PDSS2: variants seen among roughly 807,000 people sequenced by gnomAD.
PDSS2 encodes decaprenyl diphosphate synthase subunit 2, also known as all trans-polyprenyl-diphosphate synthase PDSS2.
PDSS2 carries 31 observed loss-of-function variants against 44.5 expected under a neutral mutation model. The ratio of observed to expected loss-of-function variants is 0.70; its 90% CI spans 0.52 to 0.94. The LOEUF (loss-of-function observed/expected upper bound fraction) is 0.94. Among genes scored for constraint, PDSS2 ranks in the 40% least tolerant of loss-of-function variants. The pLI, the probability that PDSS2 is intolerant of heterozygous loss-of-function variation, is 0.00. For missense variants in PDSS2, 452 were observed against 482.2 expected, an observed-to-expected ratio of 0.94 and a Z score of 0.59; for synonymous variants, 157 against 180.3, an observed-to-expected ratio of 0.87 and a Z score of 1.03.
At chr6:107,181,204 A>T (rs1462641316) in intron 7 of PDSS2, among the ~76,000 whole-genome samples, 1 of 152,226 alleles carries the variant, frequency 6.6e-6, no homozygotes, top group African/African-American at 2.4e-5. Context: ...GAAGAAAAAT[A>T]AAAGAGATTT....
intron 1 of PDSS2, among the ~76,000 whole-genome samples, chr6:107,448,526 A>C (rs979277936): frequency 3.9e-5 from 6 of 152,160 alleles, no homozygotes; most frequent in Non-Finnish European, 5.9e-5. Context: ...AGACCACCTC[A>C]GCCTGGATTT....
chr6:107,405,796 G>A lies in PDSS2; in HGVS notation c.296+53194C>T, dbSNP rs867578574. Among the ~76,000 whole-genome samples the A allele has an allele frequency of 1.2e-4, 17 of 146,946 alleles. No homozygotes were observed. The South Asian group carries it at 1.7e-3, about 15-fold the overall frequency. On this transcript the variant is annotated intron_variant, in intron 1 of 7. Coordinates refer to ENST00000369037, the MANE Select transcript of PDSS2 (RefSeq NM_020381.4). The stretch of plus-strand genomic sequence containing the variant: ...CGGGAGGCGGAGCTTGCAGTGAGCC[G>A]AGATCCCGCCACTGCACTCCAGCCT...
chr6:107,415,928 T>C (rs1355660436), intron 1 of PDSS2, among the ~76,000 whole-genome samples: 3 of 152,250 alleles, frequency 2.0e-5, no homozygotes, highest in Non-Finnish European at 4.4e-5. Flanking sequence ...GGAACAGGGG[T>C]TGGCTAGCTG....
At chr6:107,255,860 T>C (rs1278898978) in intron 3 of PDSS2, among the ~76,000 whole-genome samples, 1 of 152,238 alleles carries the variant, frequency 6.6e-6, no homozygotes, top group African/African-American at 2.4e-5. Context: ...CAAAAACATG[T>C]AAATGAAGTG....
chr6:107,450,965 G>A (rs896957715), intron 1 of PDSS2, among the ~76,000 whole-genome samples: 1 of 152,098 alleles, frequency 6.6e-6, no homozygotes, highest in African/African-American at 2.4e-5. Context: ...CAAGTAGCTG[G>A]GACCACAGGT....
In PDSS2 at chr6:107,452,560, C is replaced by G. The variant is rs1287672963; in HGVS notation, c.296+6430G>C. On this transcript the variant is annotated intron_variant, in intron 1 of 7. Transcript: ENST00000369037. ...TGAGTTCAGAGATTTCTTTACATAA[C>G]CTGGATACAAGCCCTTCTTTGAATA... 2.6e-5 allele frequency among the ~76,000 whole-genome samples: 4 copies of G among 152,004 alleles called. No homozygotes were observed. In the East Asian group the frequency reaches 7.8e-4, roughly 30 times the overall value.
At chr6:107,448,932 C>CA (rs1781776407) in intron 1 of PDSS2, among the ~76,000 whole-genome samples, 1 of 152,236 alleles carries the variant, frequency 6.6e-6, no homozygotes, top group African/African-American at 2.4e-5. Context: ...TACTCACTAT[C>CA]ATGAAAACAG....
At chr6:107,194,313 G>T (rs1772480640) in intron 6 of PDSS2, among the ~76,000 whole-genome samples, 1 of 152,054 alleles carries the variant, frequency 6.6e-6, no homozygotes, top group Admixed American at 6.6e-5. Context: ...TCTGGTTTTT[G>T]TGCCTCTTTT....
At chr6:107,172,767 C>A (rs1244790148) in intron 7 of PDSS2, among the ~76,000 whole-genome samples, 1 of 150,896 alleles carries the variant, frequency 6.6e-6, no homozygotes, top group Non-Finnish European at 1.5e-5. Context: ...CACACACACA[C>A]ATTCTTTTTT....
chr6:107,352,691 A>G (rs188346782), intron 1 of PDSS2, among the ~76,000 whole-genome samples: 1 of 152,354 alleles, frequency 6.6e-6, no homozygotes, highest in African/African-American at 2.4e-5. Context: ...CATATAGAGA[A>G]GTGGTTCTTA....
intron 2 of PDSS2, among the ~76,000 whole-genome samples, chr6:107,332,524 C>T (rs1267553242): frequency 2.0e-5 from 3 of 151,906 alleles, no homozygotes; most frequent in Non-Finnish European, 4.4e-5. Flanking sequence ...TACAAGATGA[C>T]TTTTTTTAAC....
intron 1 of PDSS2, among the ~76,000 whole-genome samples, chr6:107,334,667 A>G (rs1777823168): frequency 6.7e-6 from 1 of 149,886 alleles, no homozygotes. Context: ...CAGTCTCCCT[A>G]GTAGCTGGAA....
intron 4 of PDSS2, among the ~76,000 whole-genome samples, chr6:107,237,025 C>T (rs1225146971): frequency 6.6e-6 from 1 of 151,934 alleles, no homozygotes; most frequent in East Asian, 1.9e-4. Flanking sequence ...CCTCAACCTC[C>T]TGGGCTTAAG....
rs1256442884 is a variant in PDSS2, at chr6:107,446,113, C to G, written c.296+12877G>C. On this transcript the variant is annotated intron_variant, in intron 1 of 7. Transcript: ENST00000369037. Reference sequence around the variant, plus strand: ...CGGGCAGATCACAAGGTCAAGAGATCGAGACCATCTGGGCCAACATGGTGA... The same window carrying G: ...CGGGCAGATCACAAGGTCAAGAGATGGAGACCATCTGGGCCAACATGGTGA... 2.6e-5 allele frequency among the ~76,000 whole-genome samples: 4 copies of G among 152,142 alleles called. No homozygotes were observed. In the South Asian group the frequency reaches 8.3e-4, roughly 32 times the overall value.
intron 1 of PDSS2, among the ~76,000 whole-genome samples, chr6:107,387,925 AAAAT>A (rs1248979494): frequency 2.0e-4 from 30 of 152,374 alleles, no homozygotes; most frequent in Admixed American, 6.5e-4. Flanking sequence ...GAATGTCATC[AAAAT>A]AAATAAACTC....
intron 6 of PDSS2, chr6:107,197,847 T>A (rs905694577): frequency 1.7e-5 from 8 of 471,046 alleles, no homozygotes; most frequent in Non-Finnish European, 3.1e-5. Context: ...CTTAAGAGTG[T>A]TGAAAGTAGC....
At chr6:107,191,529 C>T (rs1772379999) in intron 7 of PDSS2, among the ~76,000 whole-genome samples, 1 of 152,122 alleles carries the variant, frequency 6.6e-6, no homozygotes. Context: ...AGAAAAAAGG[C>T]TCAGAGGTCC....
chr6:107,230,677 GT>G (rs1426153510), intron 4 of PDSS2, among the ~76,000 whole-genome samples: 1 of 151,646 alleles, frequency 6.6e-6, no homozygotes, highest in Non-Finnish European at 1.5e-5. Context: ...GCCAGGGCAT[GT>G]TTTTCTCATA....
intron 1 of PDSS2, among the ~76,000 whole-genome samples, chr6:107,359,752 T>C (rs1052028727): frequency 1.3e-5 from 2 of 152,172 alleles, no homozygotes; most frequent in Non-Finnish European, 2.9e-5. Context: ...GTTTTGATTT[T>C]GTGGTTTTCT....
Sources: gnomAD v4.1 joint callset for allele counts (sites outside exome capture counted in the v4.1 genomes callset) on GRCh38, gnomAD v4.1.1 for gene constraint, MANE v1.5 for transcripts, NCBI Gene and HGNC (gene_info 2026-07-23, HGNC 2026-07-21) for gene names.